Variants in FOXP1 observed in about 807,000 individuals in gnomAD.
The protein encoded by FOXP1 is forkhead box protein P1.
In FOXP1, 15 loss-of-function variants were observed where a neutral mutation model predicts 98.2. That is an observed-to-expected ratio of 0.15 (90% CI 0.10 to 0.24). The LOEUF (loss-of-function observed/expected upper bound fraction) is 0.24. Among genes scored for constraint, FOXP1 ranks in the 10% least tolerant of loss-of-function variants. The probability of loss-of-function intolerance (pLI) is 1.00; values close to 1 mark genes in which losing one functional copy is unlikely to be tolerated. For missense variants in FOXP1, 633 were observed against 848.5 expected (o/e 0.75, Z 3.15); for synonymous variants, 371 against 314.5 (o/e 1.18, Z -1.90).
At chr3:71,045,698 C>A (rs1227981488) in intron 10 of FOXP1, among the ~76,000 whole-genome samples, 1 of 152,052 alleles carries the variant, frequency 6.6e-6, no homozygotes, top group Non-Finnish European at 1.5e-5. Flanking sequence ...AAGCCCTGGT[C>A]TCGATACTAA....
chr3:70,956,489 G>A lies in FOXP1; in HGVS notation c.*2758C>T, dbSNP rs1559549448. On this transcript the variant is annotated 3_prime_UTR_variant, in exon 21 of 21. Transcript: ENST00000649528. ...ACGACTAAGTGCAACTGAGTGAAAT[G>A]TTTTTTTTTTAAATTTTAATCATTC... The A allele has an allele frequency of 4.8e-6, 1 of 206,798 alleles. No individual in the cohort carries two copies. Among genetic ancestry groups the A allele is most frequent in the Non-Finnish European group, 9.6e-6 (1 of 104,322 alleles). 12.8% of individuals were successfully genotyped at this position (206,798 alleles called of 1,614,324 possible).
intron 5 of FOXP1, among the ~76,000 whole-genome samples, chr3:71,218,283 T>C (rs1403180062): frequency 6.6e-6 from 1 of 152,256 alleles, no homozygotes; most frequent in African/African-American, 2.4e-5. Context: ...ATAGTGATGG[T>C]AACTCCAATG....
At chr3:71,368,503 T>G (rs2079072190) in intron 3 of FOXP1, among the ~76,000 whole-genome samples, 1 of 152,132 alleles carries the variant, frequency 6.6e-6, no homozygotes, top group African/African-American at 2.4e-5. Context: ...ATCACTCTCA[T>G]TAGTCTCTGA....
chr3:70,966,223 G>T, intron 19 of FOXP1, 167 bp from the exon 20 acceptor site: 1 of 688,130 alleles, frequency 1.5e-6, no homozygotes, highest in Non-Finnish European at 2.6e-6. Flanking sequence ...AACGACTCGT[G>T]GCACCTGTCC....
intron 19 of FOXP1, chr3:70,969,311 T>C (rs1363357635): frequency 6.6e-6 from 1 of 152,224 alleles, no homozygotes; most frequent in Admixed American, 6.5e-5. Context: ...CTAAAGTTAC[T>C]GTGTAAACTA....
In FOXP1 at chr3:71,237,736, G is replaced by C. The variant is rs113247187; in HGVS notation, c.-11-39344C>G. ...AGCAATGAATCCATACGTGTACATG[G>C]GGATATGTGTAAACACATATGGACC... On this transcript the variant is annotated intron_variant, in intron 5 of 20. Coordinates refer to ENST00000649528, the MANE Select transcript of FOXP1 (RefSeq NM_001349338.3). 6.4e-3 allele frequency among the ~76,000 whole-genome samples: 972 copies of C among 152,306 alleles called. 9 individuals carry two copies. The highest frequency in any genetic ancestry group is 0.022 in the African/African-American group (925 of 41,552).
At chr3:71,399,147 ATTTAACAACCATACGTGTGTC>A (rs2108197167) in intron 3 of FOXP1, among the ~76,000 whole-genome samples, 1 of 152,320 alleles carries the variant, frequency 6.6e-6, no homozygotes, top group South Asian at 2.1e-4. Flanking sequence ...GGTTTATGAA[ATTTAACAACCATACGTGTGTC>A]TATGTGTGTA....
rs752710459 is a variant in FOXP1, at chr3:71,052,561, T to C, written c.486A>G (p.Gln162=). The C allele has an allele frequency of 1.4e-6, 2 of 1,380,488 alleles. No homozygotes were observed. The highest frequency in any genetic ancestry group is 2.1e-6 in the Non-Finnish European group (2 of 966,388). 85.5% of individuals were successfully genotyped at this position (1,380,488 alleles called of 1,614,324 possible). Residue 162 remains glutamine, a synonymous_variant, in exon 9 of 21, where the codon CAA becomes CAG. Transcript: ENST00000649528. ...EQLQLQLLQQ[Q]HAGKQPKEQQ... is the part of the protein sequence containing the mutation. Reference sequence around the variant, plus strand: ...CCTCTTTAGGCTGTTTTCCAGCATGTTGTTGTTGTAAAAGTTGAAGCTGCA... The same window carrying C: ...CCTCTTTAGGCTGTTTTCCAGCATGCTGTTGTTGTAAAAGTTGAAGCTGCA...
intron 3 of FOXP1, among the ~76,000 whole-genome samples, chr3:71,366,490 C>G (rs2078939623): frequency 6.6e-6 from 1 of 151,988 alleles, no homozygotes; most frequent in Admixed American, 6.6e-5. Context: ...CAATGAAGAA[C>G]AGAAAAAAAT....
chr3:71,542,947 G>A (rs949060552), intron 2 of FOXP1, among the ~76,000 whole-genome samples: 3 of 152,172 alleles, frequency 2.0e-5, no homozygotes, highest in East Asian at 1.9e-4. Flanking sequence ...TCCGAGCCTC[G>A]GTATAACTGG....
chr3:71,456,485 C>T (rs567368583), intron 3 of FOXP1, among the ~76,000 whole-genome samples: 64 of 152,144 alleles, frequency 4.2e-4, no homozygotes, highest in African/African-American at 1.3e-3. Context: ...GAATAAGAAC[C>T]GAAATTTGTT....
intron 5 of FOXP1, among the ~76,000 whole-genome samples, chr3:71,214,260 G>A (rs527296944): frequency 1.3e-5 from 2 of 152,328 alleles, no homozygotes; most frequent in South Asian, 4.1e-4. Flanking sequence ...TGCTGAGCCT[G>A]GGAGGAGATT....
chr3:70,985,597 C>T (rs4676964), intron 14 of FOXP1, among the ~76,000 whole-genome samples: 54,845 of 151,980 alleles, frequency 0.36, 12,743 homozygotes, highest in Non-Finnish European at 0.5. Flanking sequence ...GCTTGTCAGG[C>T]ACCAATTTTT....
rs905139850 is a variant in FOXP1 at position 70,972,440 on chromosome 3, G to GA, written c.1652+114dup. 19 of 1,462,046 alleles carry GA rather than the reference G, an allele frequency of 1.3e-5. No homozygotes were observed. In the Admixed American group the frequency reaches 3.2e-4, roughly 24 times the overall value. 90.6% of individuals were successfully genotyped at this position (1,462,046 alleles called of 1,614,324 possible). A position where few individuals can be genotyped will look rare whatever the true frequency, so the allele number is the denominator to read the frequency against. On this transcript the variant is annotated intron_variant, in intron 18 of 20. Coordinates refer to ENST00000649528, the MANE Select transcript of FOXP1 (RefSeq NM_001349338.3). ...AAATGCTTTTTTGCTTCCCTTAACT[G>GA]AGACAACGTGAAACCAGTTCTTTGG...
intron 3 of FOXP1, among the ~76,000 whole-genome samples, chr3:71,462,115 C>T (rs901146133): frequency 6.6e-6 from 1 of 152,152 alleles, no homozygotes; most frequent in Non-Finnish European, 1.5e-5. Context: ...GAAGGCCTTA[C>T]AGGACTGCAC....
intron 5 of FOXP1, chr3:71,244,935 G>A (rs1197435175): frequency 2.0e-5 from 3 of 147,330 alleles, no homozygotes; most frequent in Non-Finnish European, 4.5e-5. Context: ...AATTAATCCA[G>A]AGCCCTCAGA....
Position 71,016,656 on chromosome 3 carries a change from A to AACACACACAC in FOXP1, c.870-1013_870-1004dup, listed in dbSNP as rs4056100. Among the ~76,000 whole-genome samples, 356 of 146,254 alleles carry AACACACACAC rather than the reference A, an allele frequency of 2.4e-3. 4 individuals are homozygous for AACACACACAC. The highest frequency in any genetic ancestry group is 6.7e-3 in the Admixed American group (98 of 14,542). On this transcript the variant is annotated intron_variant, in intron 11 of 20. Coordinates refer to ENST00000649528, the MANE Select transcript of FOXP1 (RefSeq NM_001349338.3). Reference sequence around the variant, plus strand: ...AAGCACAATGAATGATGATTACAAGAACACACACACACACACACACACACA... The same window carrying AACACACACAC: ...AAGCACAATGAATGATGATTACAAGAACACACACACACACACACACACACACACACACACA...
intron 14 of FOXP1, among the ~76,000 whole-genome samples, chr3:70,979,091 ACT>A (rs985579179): frequency 6.6e-5 from 10 of 151,202 alleles, no homozygotes; most frequent in Non-Finnish European, 1.3e-4. Flanking sequence ...ACATGGTGAA[ACT>A]CTGTCTCCAT....
At chr3:71,090,222 C>T (rs1320045410) in intron 7 of FOXP1, among the ~76,000 whole-genome samples, 1 of 152,204 alleles carries the variant, frequency 6.6e-6, no homozygotes, top group Non-Finnish European at 1.5e-5. Context: ...TTCCTATTTT[C>T]AAGAAATTTC....
Sources: gnomAD v4.1 joint callset for allele counts (sites outside exome capture counted in the v4.1 genomes callset) on GRCh38, gnomAD v4.1.1 for gene constraint, MANE v1.5 for transcripts, NCBI Gene and HGNC (gene_info 2026-07-23, HGNC 2026-07-21) for gene names.